The following C1GALT1 variants were observed in gnomAD, a reference collection of about 807,000 sequenced individuals.
C1GALT1 encodes glycoprotein-N-acetylgalactosamine 3-beta-galactosyltransferase 1.
C1GALT1 carries 11 observed loss-of-function variants against 31.0 expected under a neutral mutation model. The observed-to-expected ratio is 0.36, with a 90% CI of 0.22 to 0.59. C1GALT1 has a LOEUF of 0.59. C1GALT1 is among the 20% of genes least tolerant of loss of function. The pLI, the probability that C1GALT1 is intolerant of heterozygous loss-of-function variation, is 0.79. For synonymous variants in C1GALT1, 175 were observed against 143.6 expected (o/e 1.22, Z -1.56); for missense variants, 424 against 425.2 (o/e 1.00, Z 0.03).
intron 2 of C1GALT1, among the ~76,000 whole-genome samples, chr7:7,170,518 C>T (rs1337169721): frequency 6.6e-6 from 1 of 152,240 alleles, no homozygotes; most frequent in Non-Finnish European, 1.5e-5. Context: ...CATAGTGGCT[C>T]ATGCCTGTAA....
At chr7:7,220,985 CCT>C (rs1782486622) in intron 1 of C1GALT1, among the ~76,000 whole-genome samples, 1 of 124,804 alleles carries the variant, frequency 8.0e-6, no homozygotes, top group South Asian at 2.2e-4. Flanking sequence ...ACCTTTTGTT[CCT>C]CTCTCTGAAA....
intron 1 of C1GALT1, among the ~76,000 whole-genome samples, chr7:7,232,480 G>C (rs1380414623): frequency 1.5e-5 from 2 of 129,674 alleles, no homozygotes; most frequent in Non-Finnish European, 3.1e-5. Flanking sequence ...TGGAAAGGGC[G>C]TGGGTTTTTT....
intron 1 of C1GALT1, among the ~76,000 whole-genome samples, chr7:7,214,486 T>G (rs1782140386): frequency 6.6e-6 from 1 of 152,174 alleles, no homozygotes; most frequent in African/African-American, 2.4e-5. Context: ...CACTTTTAAT[T>G]AAGCTGAGCA....
upstream of C1GALT1, among the ~76,000 whole-genome samples, chr7:7,180,824 T>C (rs1481055572): frequency 6.6e-6 from 1 of 151,842 alleles, no homozygotes; most frequent in African/African-American, 2.4e-5. Flanking sequence ...TTCAGCCCAG[T>C]TATTCGAGGC....
At chr7:7,213,256 GACA>G (rs1782089225) in intron 1 of C1GALT1, among the ~76,000 whole-genome samples, 1 of 152,238 alleles carries the variant, frequency 6.6e-6, no homozygotes, top group African/African-American at 2.4e-5. Flanking sequence ...AACAAAGCAA[GACA>G]ACAATTGTCT....
intron 1 of C1GALT1, among the ~76,000 whole-genome samples, chr7:7,231,208 A>T (rs1470579769): frequency 6.6e-6 from 1 of 152,208 alleles, no homozygotes; most frequent in East Asian, 1.9e-4. Context: ...TGTTGCTGCT[A>T]AAAAGTCAGC....
At chr7:7,186,733 T>C (rs1780832588) in intron 1 of C1GALT1, among the ~76,000 whole-genome samples, 1 of 152,190 alleles carries the variant, frequency 6.6e-6, no homozygotes, top group Admixed American at 6.5e-5. Flanking sequence ...CAGAGAACAG[T>C]TAAGTGTGAA....
intron 2 of C1GALT1, among the ~76,000 whole-genome samples, chr7:7,171,793 G>A (rs1242269919): frequency 1.3e-5 from 2 of 151,692 alleles, no homozygotes; most frequent in African/African-American, 4.8e-5. Context: ...TACGTTTAAT[G>A]CCCTAAATTT....
intron 2 of C1GALT1, among the ~76,000 whole-genome samples, chr7:7,165,966 A>G (rs1430719198): frequency 6.6e-6 from 1 of 152,228 alleles, no homozygotes; most frequent in African/African-American, 2.4e-5. Flanking sequence ...GTCCCATCCC[A>G]GAGATATTTC....
chr7:7,192,030 A>G (rs1781096984), intron 1 of C1GALT1, among the ~76,000 whole-genome samples: 1 of 152,090 alleles, frequency 6.6e-6, no homozygotes, highest in South Asian at 2.1e-4. Context: ...GTCACATCCA[A>G]GAAATCATTG....
intron 1 of C1GALT1, among the ~76,000 whole-genome samples, chr7:7,233,686 AATGGGC>A (rs1783197929): frequency 6.6e-6 from 1 of 152,234 alleles, no homozygotes. Context: ...TATATAAATG[AATGGGC>A]ATGGGTGTGT....
intron 1 of C1GALT1, among the ~76,000 whole-genome samples, chr7:7,227,676 C>T (rs1397151247): frequency 2.7e-5 from 4 of 149,806 alleles, no homozygotes; most frequent in Non-Finnish European, 3.0e-5. Flanking sequence ...GCCGAGATCC[C>T]GCCACTGCAC....
chr7:7,187,410 C>T (rs1381512147), intron 1 of C1GALT1, among the ~76,000 whole-genome samples: 3 of 149,706 alleles, frequency 2.0e-5, no homozygotes, highest in Admixed American at 6.6e-5. Flanking sequence ...CCACCATGCC[C>T]AGCTAATTTC....
chr7:7,189,917 A>G (rs984400850), intron 1 of C1GALT1, among the ~76,000 whole-genome samples: 2 of 152,056 alleles, frequency 1.3e-5, no homozygotes, highest in African/African-American at 4.8e-5. Context: ...ATTCAATACC[A>G]TTTCTTCAAT....
intron 2 of C1GALT1, among the ~76,000 whole-genome samples, chr7:7,166,591 T>C (rs903789275): frequency 1.3e-5 from 2 of 152,220 alleles, no homozygotes; most frequent in African/African-American, 4.8e-5. Context: ...TGTATACATA[T>C]GTCACAACAT....
intron 1 of C1GALT1, among the ~76,000 whole-genome samples, chr7:7,222,579 T>A (rs1045537017): frequency 1.3e-5 from 2 of 152,250 alleles, no homozygotes; most frequent in Non-Finnish European, 2.9e-5. Flanking sequence ...ATTTGAATTC[T>A]GATTTGAACA....
At chr7:7,233,281 T>A (rs1357061482) in intron 1 of C1GALT1, among the ~76,000 whole-genome samples, 1 of 152,090 alleles carries the variant, frequency 6.6e-6, no homozygotes, top group Non-Finnish European at 1.5e-5. Context: ...CTTTTTTTTT[T>A]CTGAGATAGT....
intron 1 of C1GALT1, among the ~76,000 whole-genome samples, chr7:7,208,262 G>C (rs1166783233): frequency 6.6e-6 from 1 of 152,078 alleles, no homozygotes; most frequent in African/African-American, 2.4e-5. Context: ...AATGACCCTA[G>C]GGCACAAGAA....
intron 1 of C1GALT1, among the ~76,000 whole-genome samples, chr7:7,227,447 G>C (rs945896045): frequency 6.6e-6 from 1 of 152,178 alleles, no homozygotes; most frequent in African/African-American, 2.4e-5. Flanking sequence ...AAGGCCGGGC[G>C]CGGTGGCTCA....
Sources: allele counts gnomAD v4.1 joint callset (sites outside exome capture counted in the v4.1 genomes callset), GRCh38; gene constraint gnomAD v4.1.1; transcripts MANE v1.5; gene names NCBI Gene and HGNC (gene_info 2026-07-23, HGNC 2026-07-21).